RMC1: variants seen among roughly 807,000 people sequenced by gnomAD.
The protein encoded by RMC1 is regulator of MON1-CCZ1 complex.
RMC1 carries 44 observed loss-of-function variants against 95.5 expected under a neutral mutation model. The ratio of observed to expected loss-of-function variants is 0.46; its 90% CI spans 0.36 to 0.59. RMC1 has a LOEUF of 0.59. RMC1 is among the 20% of genes least tolerant of loss of function. RMC1 has a pLI of 0.00. For synonymous variants in RMC1, 320 were observed against 303.6 expected, an observed-to-expected ratio of 1.05 and a Z score of -0.56; for missense variants, 705 against 819.6, an observed-to-expected ratio of 0.86 and a Z score of 1.71.
chr18:23,530,043 CTTG>C lies in RMC1; in HGVS notation c.1513_1515del (p.Val505del). 6.2e-7 allele frequency: 1 copy of C among 1,614,022 alleles called. No homozygotes were observed. Among genetic ancestry groups the C allele is most frequent in the Non-Finnish European group, 8.5e-7 (1 of 1,179,874 alleles). On this transcript the variant is annotated inframe_deletion, in exon 17 of 20. Transcript: ENST00000269221. ...TTGTCCTCAGCATTACCTACATGAACTTGTTATCAAAACCCTTGTCCAGCACAA... is the reference window on the plus strand; with the variant it reads ...TTGTCCTCAGCATTACCTACATGAACTTATCAAAACCCTTGTCCAGCACAA...
chr18:23,515,937 G>A lies in RMC1; in HGVS notation c.490G>A (p.Ala164Thr), dbSNP rs1265896597. The A allele has an allele frequency of 3.7e-6, 6 of 1,614,094 alleles. No individual in the cohort carries two copies. The highest frequency in any genetic ancestry group is 2.7e-5 in the African/African-American group (2 of 75,006). The change falls in exon 6 of 20, where the codon GCC becomes ACC. Residue 164 changes from alanine (A) to threonine (T), a missense_variant. Physicochemically the swap from Ala to Thr is moderately conservative, Grantham distance 58. Transcript: ENST00000269221. ...VNWYMYCPESAVILLSTTVLE... is the reference protein window; with the variant it reads ...VNWYMYCPESTVILLSTTVLE... ...TTGGTACATGTACTGCCCCGAGAGC[G>A]CCGTGATCTTGCTGTCTACCACGGT...
chr18:23,529,560 G>C (rs1598916244), intron 15 of RMC1, 75 bp from the exon 16 acceptor site: 2 of 1,373,902 alleles, frequency 1.5e-6, no homozygotes, highest in Admixed American at 1.7e-5. Flanking sequence ...ACAAGGTGGG[G>C]GTTGGATAGA....
In RMC1 at chr18:23,524,611, ATTT is replaced by A. The variant is rs113496800; in HGVS notation, c.1060+138_1060+140del. ...CCCTCCTTTCAAGCGTGGGAATGGG[ATTT>A]TTTTTTTTCACTTTATACGTTTTTT... On this transcript the variant is annotated intron_variant, in intron 12 of 19. Coordinates refer to ENST00000269221, the MANE Select transcript of RMC1 (RefSeq NM_013326.5). 7.0e-6 allele frequency: 5 copies of A among 719,288 alleles called. No homozygotes were observed. In the African/African-American group the frequency reaches 7.4e-5, roughly 11 times the overall value. The allele number at this position is 719,288 out of a possible 1,614,324, so 44.6% of individuals were successfully genotyped here. A position where few individuals can be genotyped will look rare whatever the true frequency, so the allele number is the denominator to read the frequency against.
At chr18:23,513,793 T>C (rs566735756) in intron 5 of RMC1, among the ~76,000 whole-genome samples, 1 of 152,352 alleles carries the variant, frequency 6.6e-6, no homozygotes, top group African/African-American at 2.4e-5. Context: ...TTGAGCACTT[T>C]TGTGTGTGTG....
chr18:23,529,544 A>G, intron 15 of RMC1, 91 bp from the exon 16 acceptor site: 1 of 1,322,862 alleles, frequency 7.6e-7, no homozygotes, highest in Non-Finnish European at 1.1e-6. Context: ...CCATTTTAAG[A>G]TGGAAACAAG....
In RMC1 at chr18:23,524,180, C is replaced by T. The variant is rs747787855; in HGVS notation, c.1006+6C>T. Reference sequence around the variant, plus strand: ...TCCTGTTCCATGTAAACTCTGTATCCTTTACTAAGGTGTGGCACCGTGCAC... The same window carrying T: ...TCCTGTTCCATGTAAACTCTGTATCTTTTACTAAGGTGTGGCACCGTGCAC... On this transcript the variant is annotated splice_donor_region_variant and intron_variant, in intron 11 of 19. Transcript: ENST00000269221. 20 of 1,613,490 alleles carry T rather than the reference C, an allele frequency of 1.2e-5. 1 individual carries two copies. In the South Asian group the frequency reaches 2.0e-4, roughly 16 times the overall value.
At chr18:23,520,453 C>T in intron 10 of RMC1, 140 bp downstream of exon 10, 1 of 706,864 alleles carries the variant, frequency 1.4e-6, no homozygotes, top group Non-Finnish European at 2.3e-6. Flanking sequence ...TGCCAGGGGC[C>T]ATTTGTTCCA....
Position 23,503,587 on chromosome 18 carries a change from C to A in RMC1, c.-32C>A, listed in dbSNP as rs763346343. 6.6e-7 allele frequency: 1 copy of A among 1,524,930 alleles called. No individual in the cohort carries two copies. Among genetic ancestry groups the A allele is most frequent in the Non-Finnish European group, 8.8e-7 (1 of 1,131,954 alleles). 94.5% of individuals were successfully genotyped at this position (1,524,930 alleles called of 1,614,324 possible). A position where few individuals can be genotyped will look rare whatever the true frequency, so the allele number is the denominator to read the frequency against. On this transcript the variant is annotated 5_prime_UTR_variant, in exon 1 of 20. Coordinates refer to ENST00000269221, the MANE Select transcript of RMC1 (RefSeq NM_013326.5). The stretch of plus-strand genomic sequence containing the variant: ...TCCTGCTCCACTCTGGCGACCGCCC[C>A]CGGGGCCCCCGCCGCGGGCGCGGCG...
chr18:23,508,246 G>C (rs529120880), intron 4 of RMC1, among the ~76,000 whole-genome samples: 2 of 152,274 alleles, frequency 1.3e-5, no homozygotes, highest in South Asian at 4.1e-4. Context: ...TCCTTTGGAG[G>C]GGGAGGGTTC....
Position 23,509,590 on chromosome 18 carries a change from G to A in RMC1, c.408+311G>A, listed in dbSNP as rs192770559. ...TATTTTATTTTTGAGACGGAGTTTC[G>A]CTCTTGTTGCCCAGGCTGGTGGAGT... On this transcript the variant is annotated intron_variant, in intron 5 of 19. Coordinates refer to ENST00000269221, the MANE Select transcript of RMC1 (RefSeq NM_013326.5). 502 of 153,960 alleles carry A rather than the reference G, an allele frequency of 3.3e-3. 4 individuals carry two copies. Among genetic ancestry groups the A allele is most frequent in the African/African-American group, 0.011 (476 of 41,442 alleles). 9.5% of individuals were successfully genotyped at this position (153,960 alleles called of 1,614,324 possible). A position where few individuals can be genotyped will look rare whatever the true frequency, so the allele number is the denominator to read the frequency against.
chr18:23,529,210 C>T lies in RMC1; in HGVS notation c.1328C>T (p.Pro443Leu), dbSNP rs1461975214. The T allele has an allele frequency of 6.8e-6, 11 of 1,613,822 alleles. No homozygotes were observed. The highest frequency in any genetic ancestry group is 1.6e-4 in the Middle Eastern group (1 of 6,084). Residue 443 changes from proline to leucine, a missense_variant, in exon 15 of 20, where the codon CCG becomes CTG. Physicochemically the swap from Pro to Leu is moderately conservative, Grantham distance 98. Transcript: ENST00000269221. ...AVEAGQSRSS[P>L]LLKRPVRTQA... ...GAAGCAGGGCAGAGCCGAAGCAGCC[C>T]GCTCCTCAAGAGGCCGGTGCGGACC...
intron 14 of RMC1, 157 bp downstream of exon 14, chr18:23,528,058 T>C (rs778554143): frequency 1.7e-6 from 1 of 582,494 alleles, no homozygotes; most frequent in Non-Finnish European, 3.0e-6. Flanking sequence ...TGGGGGATAG[T>C]GGAGGAGTAG....
intron 7 of RMC1, among the ~76,000 whole-genome samples, chr18:23,517,270 C>T (rs888745732): frequency 6.6e-6 from 1 of 151,994 alleles, no homozygotes; most frequent in African/African-American, 2.4e-5. Flanking sequence ...CTGCCTCAGC[C>T]TCCCGAGTAG....
chr18:23,527,980 A>G (rs1273204735), intron 14 of RMC1, 79 bp downstream of exon 14: 5 of 1,174,558 alleles, frequency 4.3e-6, no homozygotes, highest in Non-Finnish European at 4.8e-6. Flanking sequence ...ATGATGCAAA[A>G]TTGTTTCCTA....
chr18:23,520,023 A>G (rs2058101495), intron 9 of RMC1, among the ~76,000 whole-genome samples, 179 bp from the exon 10 acceptor site: 1 of 152,226 alleles, frequency 6.6e-6, no homozygotes, highest in African/African-American at 2.4e-5. Context: ...GGAGATAAAA[A>G]TATTAAAAGA....
At chr18:23,522,934 T>A (rs964158443) in intron 10 of RMC1, 1 of 152,312 alleles carries the variant, frequency 6.6e-6, no homozygotes, top group Non-Finnish European at 1.5e-5. Flanking sequence ...ACCAGCACTT[T>A]TGGGAAGAGT....
rs930146256 is a variant in RMC1, at chr18:23,503,795, A to G, written c.102+75A>G. 3.3e-5 allele frequency: 42 copies of G among 1,284,046 alleles called. No homozygotes were observed. In the African/African-American group the frequency reaches 6.3e-4, roughly 19 times the overall value. 79.5% of individuals were successfully genotyped at this position (1,284,046 alleles called of 1,614,324 possible). On this transcript the variant is annotated intron_variant, in intron 1 of 19. Coordinates refer to ENST00000269221, the MANE Select transcript of RMC1 (RefSeq NM_013326.5). ...GGCGCGCCAAGGCCGGTCCCGCGCGACCAGGCCCGAGCGTCCCCTCCTGTC... is the reference window on the plus strand; with the variant it reads ...GGCGCGCCAAGGCCGGTCCCGCGCGGCCAGGCCCGAGCGTCCCCTCCTGTC...
intron 5 of RMC1, among the ~76,000 whole-genome samples, chr18:23,510,304 G>A (rs1301172486): frequency 6.7e-6 from 1 of 150,172 alleles, no homozygotes; most frequent in Non-Finnish European, 1.5e-5. Flanking sequence ...CAGCCTGGAT[G>A]ACAGTGAGAC....
chr18:23,524,227 C>T, intron 11 of RMC1, 53 bp downstream of exon 11: 5 of 1,600,120 alleles, frequency 3.1e-6, no homozygotes, highest in Non-Finnish European at 4.3e-6. Context: ...TGGTCACCCT[C>T]AGAGAGTGGT....
Sources: allele counts gnomAD v4.1 joint callset (sites outside exome capture counted in the v4.1 genomes callset), GRCh38; gene constraint gnomAD v4.1.1; transcripts MANE v1.5; gene names NCBI Gene and HGNC (gene_info 2026-07-23, HGNC 2026-07-21).